KLHL2: variants seen among roughly 807,000 people sequenced by gnomAD.
KLHL2 encodes kelch-like protein 2.
Under a neutral mutation model 75.8 loss-of-function variants are expected in KLHL2, and 15 were observed. That is an observed-to-expected ratio of 0.20 (90% CI 0.13 to 0.30). KLHL2 has a LOEUF of 0.30. Ranked by LOEUF, KLHL2 falls within the 10% of genes least tolerant of loss-of-function variation. The probability of loss-of-function intolerance (pLI) is 1.00; values close to 1 mark genes in which losing one functional copy is unlikely to be tolerated. For missense variants in KLHL2, 381 were observed against 741.0 expected, an observed-to-expected ratio of 0.51 and a Z score of 5.64; for synonymous variants, 214 against 251.9, an observed-to-expected ratio of 0.85 and a Z score of 1.42.
chr4:165,284,057 T>A (rs1015963758), intron 5 of KLHL2, among the ~76,000 whole-genome samples: 1 of 152,190 alleles, frequency 6.6e-6, no homozygotes, highest in Non-Finnish European at 1.5e-5. Context: ...ACAGGGACCC[T>A]GGGCTCAGCC....
At chr4:165,216,115 G>T (rs1323730862) in intron 1 of KLHL2, among the ~76,000 whole-genome samples, 2 of 152,158 alleles carry the variant, frequency 1.3e-5, no homozygotes, top group Admixed American at 6.5e-5. Context: ...CCTTTGCCTG[G>T]TTTGGAAATC....
intron 4 of KLHL2, among the ~76,000 whole-genome samples, chr4:165,245,297 T>C (rs1259104388): frequency 6.6e-6 from 1 of 152,256 alleles, no homozygotes; most frequent in South Asian, 2.1e-4. Flanking sequence ...CTGAATGAGA[T>C]GCTGCAGAGA....
intron 5 of KLHL2, among the ~76,000 whole-genome samples, chr4:165,264,087 C>T (rs1200695009): frequency 6.6e-6 from 1 of 151,898 alleles, no homozygotes; most frequent in East Asian, 1.9e-4. Context: ...ATTGTTATAG[C>T]TTTGAATGCA....
intron 4 of KLHL2, among the ~76,000 whole-genome samples, chr4:165,241,762 T>C (rs1287864296): frequency 2.0e-5 from 3 of 152,322 alleles, no homozygotes; most frequent in Non-Finnish European, 4.4e-5. Flanking sequence ...AGATTACTAG[T>C]GTAGGGTCTC....
Position 165,297,672 on chromosome 4 carries a change from C to T in KLHL2, c.718C>T (p.Arg240Ter). Residue 240 changes from arginine to a stop codon, truncating the protein, a stop_gained, in exon 7 of 15, where the codon CGA becomes TGA. Transcript: ENST00000226725. LOFTEE classifies it high-confidence loss of function. ...DKDVRQEFMA[R>*]LMEHVRLPLL... The stretch of plus-strand genomic sequence containing the variant: ...GGATGTGAGGCAAGAGTTTATGGCC[C>T]GACTGATGGAACATGTACGGTTACC... 1 of 1,613,868 alleles carries T rather than the reference C, an allele frequency of 6.2e-7. No individual in the cohort carries two copies. Among genetic ancestry groups the T allele is most frequent in the Non-Finnish European group, 8.5e-7 (1 of 1,179,814 alleles).
chr4:165,211,283 GAA>G (rs996718687), intron 1 of KLHL2, among the ~76,000 whole-genome samples: 10 of 152,074 alleles, frequency 6.6e-5, no homozygotes, highest in Admixed American at 6.5e-4. Flanking sequence ...TTTTATGAAA[GAA>G]AAAAACATTT....
chr4:165,217,710 G>C (rs913376125), intron 1 of KLHL2, among the ~76,000 whole-genome samples: 1 of 152,176 alleles, frequency 6.6e-6, no homozygotes, highest in Non-Finnish European at 1.5e-5. Context: ...TTATATTCAT[G>C]TTGAGTACCT....
intron 6 of KLHL2, among the ~76,000 whole-genome samples, chr4:165,295,181 G>A (rs1341755060): frequency 6.6e-6 from 1 of 152,134 alleles, no homozygotes; most frequent in Non-Finnish European, 1.5e-5. Flanking sequence ...CCTTGGGTGG[G>A]TTTTGTAGCA....
chr4:165,281,455 A>G (rs1743676750), intron 5 of KLHL2, among the ~76,000 whole-genome samples: 1 of 152,008 alleles, frequency 6.6e-6, no homozygotes, highest in African/African-American at 2.4e-5. Flanking sequence ...AGCTGGGACT[A>G]CAGGTGCCTG....
At chr4:165,285,532 A>G (rs1744024077) in intron 5 of KLHL2, among the ~76,000 whole-genome samples, 1 of 151,996 alleles carries the variant, frequency 6.6e-6, no homozygotes, top group Admixed American at 6.6e-5. Context: ...TCAGCCTCCC[A>G]AGTAGCTGGG....
intron 5 of KLHL2, among the ~76,000 whole-genome samples, chr4:165,275,836 C>A (rs1482868954): frequency 6.6e-6 from 1 of 152,140 alleles, no homozygotes; most frequent in African/African-American, 2.4e-5. Context: ...AGAATTCCTT[C>A]AGAGCTGGGC....
chr4:165,278,601 C>T, intron 5 of KLHL2: 1 of 1,599,450 alleles, frequency 6.3e-7, no homozygotes, highest in Non-Finnish European at 8.6e-7. Flanking sequence ...ACTTCTTTAG[C>T]AAGTTTTTCA....
chr4:165,289,804 A>G (rs185791678), intron 5 of KLHL2, among the ~76,000 whole-genome samples: 113 of 152,286 alleles, frequency 7.4e-4, no homozygotes, highest in African/African-American at 2.5e-3. Flanking sequence ...CTAAGATAAC[A>G]TGTAGTCACA....
chr4:165,318,086 T>C, intron 14 of KLHL2, 117 bp downstream of exon 14: 3 of 890,372 alleles, frequency 3.4e-6, no homozygotes, highest in Non-Finnish European at 3.5e-6. Context: ...ATAGTTTATA[T>C]CTTATTCTTA....
At chr4:165,218,480 C>T (rs543136931) in intron 1 of KLHL2, among the ~76,000 whole-genome samples, 1 of 152,244 alleles carries the variant, frequency 6.6e-6, no homozygotes, top group South Asian at 2.1e-4. Context: ...CTTCCCTGAG[C>T]ACCCTATTTA....
intron 4 of KLHL2, among the ~76,000 whole-genome samples, chr4:165,256,680 A>C (rs1422979956): frequency 2.0e-5 from 3 of 152,244 alleles, no homozygotes; most frequent in African/African-American, 7.2e-5. Context: ...ACTTTCTTTT[A>C]AATAATATTT....
intron 10 of KLHL2, among the ~76,000 whole-genome samples, chr4:165,311,021 AT>A (rs558627508): frequency 6.6e-6 from 1 of 151,478 alleles, no homozygotes; most frequent in Middle Eastern, 3.2e-3. Flanking sequence ...CGCCCGGCTA[AT>A]TTTTTTTGTA....
chr4:165,238,720 T>C lies in KLHL2; in HGVS notation c.260-58T>C, dbSNP rs3817233. 2.9e-5 allele frequency: 47 copies of C among 1,605,488 alleles called. 1 individual carries two copies. Among genetic ancestry groups the C allele is most frequent in the East Asian group, 1.8e-4 (8 of 44,510 alleles). ...GAAGATGTATCAATCTACATTGGCA[T>C]TGGAACTTCCACAGCAGTGTCTTGC... On this transcript the variant is annotated intron_variant, in intron 3 of 14. Coordinates refer to ENST00000226725, the MANE Select transcript of KLHL2 (RefSeq NM_007246.4).
At chr4:165,271,412 A>G (rs1448892270) in intron 5 of KLHL2, among the ~76,000 whole-genome samples, 1 of 152,134 alleles carries the variant, frequency 6.6e-6, no homozygotes, top group African/African-American at 2.4e-5. Flanking sequence ...TTTTGTAGCT[A>G]TTATAAAAGG....
Sources: gnomAD v4.1 joint callset for allele counts (sites outside exome capture counted in the v4.1 genomes callset) on GRCh38, gnomAD v4.1.1 for gene constraint, MANE v1.5 for transcripts, NCBI Gene and HGNC (gene_info 2026-07-23, HGNC 2026-07-21) for gene names.